Variants in ADRB1 observed in about 807,000 individuals in gnomAD.
ADRB1 encodes adrenoceptor beta 1.
For synonymous variants in ADRB1, 365 were observed against 347.2 expected (o/e 1.05, Z -0.57); for missense variants, 635 against 709.1 (o/e 0.90, Z 1.19).
At position 114,045,479 on chromosome 10, in the gene ADRB1, C is replaced by T. The variant is rs751247368; in HGVS notation, c.1347C>T (p.Ala449=). The change falls in exon 1 of 1, where the codon GCC becomes GCT. Residue 449 remains alanine, a synonymous_variant. Transcript: ENST00000369295. ...CCGCGCGCCTGCTGGAGCCCTGGGCCGGCTGCAACGGCGGGGCGGCGGCGG... is the reference window on the plus strand; with the variant it reads ...CCGCGCGCCTGCTGGAGCCCTGGGCTGGCTGCAACGGCGGGGCGGCGGCGG... ...TPPARLLEPW[A]GCNGGAAADS... is the part of the protein sequence containing the mutation. 11 of 1,283,992 alleles carry T rather than the reference C, an allele frequency of 8.6e-6. No homozygotes were observed. The highest frequency in any genetic ancestry group is 5.7e-5 in the South Asian group (2 of 35,160). The allele number at this position is 1,283,992 out of a possible 1,614,324, so 79.5% of individuals were successfully genotyped here.
In ADRB1 at chr10:114,044,707, T is replaced by C. The variant is rs1386775248; in HGVS notation, c.575T>C (p.Leu192Pro). The part of the protein sequence containing the change: ...VWAISALVSF[L>P]PILMHWWRAE... ...GCCATCTCGGCCCTGGTGTCCTTCC[T>C]GCCCATCCTCATGCACTGGTGGCGG... The change falls in exon 1 of 1, where the codon CTG (leucine) becomes CCG (proline). Residue 192 changes from leucine to proline, a missense_variant. Physicochemically the swap from Leu to Pro is moderately conservative, Grantham distance 98 (BLOSUM62 -3). Coordinates refer to ENST00000369295, the MANE Select transcript of ADRB1 (RefSeq NM_000684.3). The surrounding 1 kb of genome is among the most constrained non-coding windows in gnomAD (Gnocchi z 7.8). The C allele has an allele frequency of 6.2e-7, 1 of 1,612,604 alleles. No homozygotes were observed. Among genetic ancestry groups the C allele is most frequent in the Non-Finnish European group, 8.5e-7 (1 of 1,179,830 alleles).
At position 114,043,937 on chromosome 10, in the gene ADRB1, G is replaced by A; in HGVS notation, c.-196G>A. On this transcript the variant is annotated 5_prime_UTR_variant, in exon 1 of 1. Transcript: ENST00000369295. ...TCCAGCAGCAGCGGCGGCGGCGGCGGCGGCGGCAGCGGCAGCGACAGCGCT... is the reference window on the plus strand; with the variant it reads ...TCCAGCAGCAGCGGCGGCGGCGGCGACGGCGGCAGCGGCAGCGACAGCGCT... The A allele has an allele frequency of 3.7e-6, 1 of 270,218 alleles. No homozygotes were observed. Among genetic ancestry groups the A allele is most frequent in the Non-Finnish European group, 6.3e-6 (1 of 158,132 alleles). 16.7% of individuals were successfully genotyped at this position (270,218 alleles called of 1,614,324 possible).
chr10:114,044,726 G>C lies in ADRB1; in HGVS notation c.594G>C (p.Trp198Cys). 6.2e-7 allele frequency: 1 copy of C among 1,610,616 alleles called. No homozygotes were observed. The highest frequency in any genetic ancestry group is 1.3e-5 in the African/African-American group (1 of 75,036). Residue 198 changes from tryptophan to cysteine, a missense_variant, in exon 1 of 1, where the codon TGG becomes TGC. Physicochemically the swap from Trp to Cys is radical, Grantham distance 215. Transcript: ENST00000369295. This position sits in a 1 kb window ranked among gnomAD's most constrained non-coding sequence, Gnocchi z 7.8. ...CCTTCCTGCCCATCCTCATGCACTG[G>C]TGGCGGGCGGAGAGCGACGAGGCGC... Reference protein sequence around the residue: ...LVSFLPILMHWWRAESDEARR... With the variant: ...LVSFLPILMHCWRAESDEARR...
Position 114,044,026 on chromosome 10 carries a change from C to A in ADRB1, c.-107C>A. On this transcript the variant is annotated 5_prime_UTR_variant, in exon 1 of 1. Coordinates refer to ENST00000369295, the MANE Select transcript of ADRB1 (RefSeq NM_000684.3). This position sits in a 1 kb window ranked among gnomAD's most constrained non-coding sequence, Gnocchi z 7.8. ...GGCCCCGCGCCGCGGCTGCCCTGAC[C>A]CGGCCGCGACCTCCCTCTGCGCACC... 1 of 948,818 alleles carries A rather than the reference C, an allele frequency of 1.1e-6. No individual in the cohort carries two copies. The highest frequency in any genetic ancestry group is 1.3e-6 in the Non-Finnish European group (1 of 746,612). The allele number at this position is 948,818 out of a possible 1,614,324, so 58.8% of individuals were successfully genotyped here. A position where few individuals can be genotyped will look rare whatever the true frequency, so the allele number is the denominator to read the frequency against.
rs936003506 is a variant in ADRB1, at chr10:114,045,006, CCCG to C, written c.889_891del (p.Ala297del). On this transcript the variant is annotated inframe_deletion, in exon 1 of 1. Transcript: ENST00000369295. ...CGCGCCGCCGCCCGGACCCCCGCGC[CCCG>C]CCGCCGCCGCCGCCACCGCCCCGCT... 687 of 1,072,154 alleles carry C rather than the reference CCCG, an allele frequency of 6.4e-4. No homozygotes were observed. Among genetic ancestry groups the C allele is most frequent in the East Asian group, 3.8e-3 (69 of 18,302 alleles). The allele number at this position is 1,072,154 out of a possible 1,614,324, so 66.4% of individuals were successfully genotyped here. A position where few individuals can be genotyped will look rare whatever the true frequency, so the allele number is the denominator to read the frequency against.
rs1847548231 is a variant in ADRB1 at position 114,045,380 on chromosome 10, C to T, written c.1248C>T (p.Ala416=). 2.4e-6 allele frequency: 3 copies of T among 1,253,114 alleles called. No homozygotes were observed. In the African/African-American group the frequency reaches 4.7e-5, roughly 20 times the overall value. 77.6% of individuals were successfully genotyped at this position (1,253,114 alleles called of 1,614,324 possible). A position where few individuals can be genotyped will look rare whatever the true frequency, so the allele number is the denominator to read the frequency against. Residue 416 remains alanine (A), a synonymous_variant, in exon 1 of 1, where the codon GCC becomes GCT. Transcript: ENST00000369295. ...GDRPRASGCL[A]RPGPPPSPGA... is the part of the protein sequence containing the mutation. ...GGCCGCGCGCCTCGGGCTGTCTGGCCCGGCCCGGACCCCCGCCATCGCCCG... is the reference window on the plus strand; with the variant it reads ...GGCCGCGCGCCTCGGGCTGTCTGGCTCGGCCCGGACCCCCGCCATCGCCCG...
rs1454746519 is a variant in ADRB1 at position 114,046,363 on chromosome 10, G to T, written c.*797G>T. ...TCAATATTAGTTGGAAGGACCAGGC[G>T]CAGAGCCTCTCTCTGTGACATGTGA... is the stretch of plus-strand genomic sequence containing the variant. On this transcript the variant is annotated 3_prime_UTR_variant, in exon 1 of 1. Transcript: ENST00000369295. The T allele has an allele frequency of 6.0e-6, 1 of 167,060 alleles. No homozygotes were observed. The highest frequency in any genetic ancestry group is 1.5e-5 in the Non-Finnish European group (1 of 68,120). The allele number at this position is 167,060 out of a possible 1,614,324, so 10.3% of individuals were successfully genotyped here.
At position 114,044,598 on chromosome 10, in the gene ADRB1, C is replaced by A; in HGVS notation, c.466C>A (p.Arg156Ser). 1 of 1,613,530 alleles carries A rather than the reference C, an allele frequency of 6.2e-7. No homozygotes were observed. The highest frequency in any genetic ancestry group is 8.5e-7 in the Non-Finnish European group (1 of 1,179,954). ...GACCCTGTGTGTCATTGCCCTGGAC[C>A]GCTACCTCGCCATCACCTCGCCCTT... ...IETLCVIALD[R>S]YLAITSPFRY... The change falls in exon 1 of 1, where the codon CGC becomes AGC. Residue 156 changes from arginine (R) to serine (S), a missense_variant. Coordinates refer to ENST00000369295, the MANE Select transcript of ADRB1 (RefSeq NM_000684.3). This position sits in a 1 kb window ranked among gnomAD's most constrained non-coding sequence, Gnocchi z 7.8.
chr10:114,046,212 C>G lies in ADRB1; in HGVS notation c.*646C>G, dbSNP rs1847563405. 1 of 167,126 alleles carries G rather than the reference C, an allele frequency of 6.0e-6. No homozygotes were observed. Among genetic ancestry groups the G allele is most frequent in the South Asian group, 2.1e-4 (1 of 4,836 alleles). 10.4% of individuals were successfully genotyped at this position (167,126 alleles called of 1,614,324 possible). A position where few individuals can be genotyped will look rare whatever the true frequency, so the allele number is the denominator to read the frequency against. On this transcript the variant is annotated 3_prime_UTR_variant, in exon 1 of 1. Coordinates refer to ENST00000369295, the MANE Select transcript of ADRB1 (RefSeq NM_000684.3). ...TTGGAACAAGCCCCACCTTGCTTTC[C>G]TTGTGTAGGGCAAACCCGCTGTCCC...
rs1847539347 is a variant in ADRB1, at chr10:114,044,986, C to A, written c.854C>A (p.Pro285Gln). 1.8e-6 allele frequency: 2 copies of A among 1,095,822 alleles called. No homozygotes were observed. Among genetic ancestry groups the A allele is most frequent in the African/African-American group, 1.7e-5 (1 of 59,354 alleles). The allele number at this position is 1,095,822 out of a possible 1,614,324, so 67.9% of individuals were successfully genotyped here. The change falls in exon 1 of 1, where the codon CCG becomes CAG. Residue 285 changes from proline (P) to glutamine (Q), a missense_variant. Physicochemically the swap from Pro to Gln is moderately conservative, Grantham distance 76 (BLOSUM62 -1). Coordinates refer to ENST00000369295, the MANE Select transcript of ADRB1 (RefSeq NM_000684.3). This position sits in a 1 kb window ranked among gnomAD's most constrained non-coding sequence, Gnocchi z 7.8. The stretch of plus-strand genomic sequence containing the variant: ...CCCTCGCCCGTCCCCGCGCCCGCGC[C>A]GCCGCCCGGACCCCCGCGCCCCGCC... ...PSPSPVPAPA[P>Q]PPGPPRPAAA...
Position 114,045,525 on chromosome 10 carries a change from G to A in ADRB1, c.1393G>A (p.Glu465Lys), listed in dbSNP as rs1210202311. The A allele has an allele frequency of 7.6e-6, 10 of 1,307,456 alleles. No homozygotes were observed. The highest frequency in any genetic ancestry group is 9.8e-6 in the Non-Finnish European group (10 of 1,024,722). 81.0% of individuals were successfully genotyped at this position (1,307,456 alleles called of 1,614,324 possible). The change falls in exon 1 of 1, where the codon GAG becomes AAG. Residue 465 changes from glutamate to lysine, a missense_variant. Glu to Lys is a moderately conservative substitution (Grantham distance 56, BLOSUM62 1). Transcript: ENST00000369295. ...GGCGGACAGCGACTCGAGCCTGGAC[G>A]AGCCGTGCCGCCCCGGCTTCGCCTC... is the stretch of plus-strand genomic sequence containing the variant. ...AAADSDSSLD[E>K]PCRPGFASES...
chr10:114,044,390 G>A lies in ADRB1; in HGVS notation c.258G>A (p.Thr86=). Residue 86 remains threonine (T), a synonymous_variant, in exon 1 of 1, where the codon ACG becomes ACA. Transcript: ENST00000369295. The surrounding 1 kb of genome is among the most constrained non-coding windows in gnomAD (Gnocchi z 7.8). ...NVLVIVAIAK[T]PRLQTLTNLF... is the part of the protein sequence containing the mutation. The stretch of plus-strand genomic sequence containing the variant: ...TGGTGATCGTGGCCATCGCCAAGAC[G>A]CCGCGGCTGCAGACGCTCACCAACC... 6.2e-7 allele frequency: 1 copy of A among 1,610,688 alleles called. No homozygotes were observed. Among genetic ancestry groups the A allele is most frequent in the Non-Finnish European group, 8.5e-7 (1 of 1,179,818 alleles).
chr10:114,044,547 G>A lies in ADRB1; in HGVS notation c.415G>A (p.Val139Met). The change falls in exon 1 of 1, where the codon GTG becomes ATG. Residue 139 changes from valine (V) to methionine (M), a missense_variant. Coordinates refer to ENST00000369295, the MANE Select transcript of ADRB1 (RefSeq NM_000684.3). The surrounding 1 kb of genome is among the most constrained non-coding windows in gnomAD (Gnocchi z 7.8). ...FFCELWTSVD[V>M]LCVTASIETL... ...CTGCGAGCTGTGGACCTCAGTGGACGTGCTGTGCGTGACGGCCAGCATCGA... is the reference window on the plus strand; with the variant it reads ...CTGCGAGCTGTGGACCTCAGTGGACATGCTGTGCGTGACGGCCAGCATCGA... 1 of 1,613,748 alleles carries A rather than the reference G, an allele frequency of 6.2e-7. No homozygotes were observed. Among genetic ancestry groups the A allele is most frequent in the Non-Finnish European group, 8.5e-7 (1 of 1,179,968 alleles).
chr10:114,045,254 C>G lies in ADRB1; in HGVS notation c.1122C>G (p.Pro374=). The change falls in exon 1 of 1, where the codon CCC becomes CCG. Residue 374 remains proline, a synonymous_variant. Coordinates refer to ENST00000369295, the MANE Select transcript of ADRB1 (RefSeq NM_000684.3). The part of the protein sequence containing the change: ...WLGYANSAFN[P]IIYCRSPDFR... ...GCTACGCCAACTCGGCCTTCAACCC[C>G]ATCATCTACTGCCGCAGCCCCGACT... 6.3e-7 allele frequency: 1 copy of G among 1,598,038 alleles called. No homozygotes were observed. Among genetic ancestry groups the G allele is most frequent in the Non-Finnish European group, 8.5e-7 (1 of 1,172,234 alleles).
chr10:114,044,590 C>A lies in ADRB1; in HGVS notation c.458C>A (p.Ala153Asp). The change falls in exon 1 of 1, where the codon GCC (alanine) becomes GAC (aspartate). Residue 153 changes from alanine (A) to aspartate (D), a missense_variant. Coordinates refer to ENST00000369295, the MANE Select transcript of ADRB1 (RefSeq NM_000684.3). This position sits in a 1 kb window ranked among gnomAD's most constrained non-coding sequence, Gnocchi z 7.8. ...TASIETLCVI[A>D]LDRYLAITSP... ...AGCATCGAGACCCTGTGTGTCATTG[C>A]CCTGGACCGCTACCTCGCCATCACC... 1 of 1,613,560 alleles carries A rather than the reference C, an allele frequency of 6.2e-7. No individual in the cohort carries two copies. Among genetic ancestry groups the A allele is most frequent in the Non-Finnish European group, 8.5e-7 (1 of 1,179,950 alleles).
Position 114,045,229 on chromosome 10 carries a change from G to A in ADRB1, c.1097G>A (p.Gly366Asp). The part of the protein sequence containing the change: ...DRLFVFFNWL[G>D]YANSAFNPII... ...CTCTTCGTCTTCTTCAACTGGCTGG[G>A]CTACGCCAACTCGGCCTTCAACCCC... The change falls in exon 1 of 1, where the codon GGC (glycine) becomes GAC (aspartate). Residue 366 changes from glycine to aspartate, a missense_variant. Gly to Asp is a moderately conservative substitution (Grantham distance 94). Coordinates refer to ENST00000369295, the MANE Select transcript of ADRB1 (RefSeq NM_000684.3). The A allele has an allele frequency of 1.3e-6, 2 of 1,598,394 alleles. No individual in the cohort carries two copies. Among genetic ancestry groups the A allele is most frequent in the East Asian group, 2.3e-5 (1 of 43,942 alleles).
In ADRB1 at chr10:114,045,369, G is replaced by T; in HGVS notation, c.1237G>T (p.Gly413Cys). The change falls in exon 1 of 1, where the codon GGC becomes TGC. Residue 413 changes from glycine (G) to cysteine (C), a missense_variant. Transcript: ENST00000369295. The part of the protein sequence containing the change: ...ATHGDRPRAS[G>C]CLARPGPPPS... ...CCACGGAGACCGGCCGCGCGCCTCG[G>T]GCTGTCTGGCCCGGCCCGGACCCCC... 1 of 1,375,078 alleles carries T rather than the reference G, an allele frequency of 7.3e-7. No individual in the cohort carries two copies. Among genetic ancestry groups the T allele is most frequent in the East Asian group, 3.1e-5 (1 of 31,962 alleles). The allele number at this position is 1,375,078 out of a possible 1,614,324, so 85.2% of individuals were successfully genotyped here.
At position 114,044,495 on chromosome 10, in the gene ADRB1, G is replaced by C; in HGVS notation, c.363G>C (p.Trp121Cys). The C allele has an allele frequency of 6.2e-7, 1 of 1,613,628 alleles. No homozygotes were observed. The highest frequency in any genetic ancestry group is 1.3e-5 in the African/African-American group (1 of 75,038). ...CGTTCGGGGCCACCATCGTGGTGTGGGGCCGCTGGGAGTACGGCTCCTTCT... is the reference window on the plus strand; with the variant it reads ...CGTTCGGGGCCACCATCGTGGTGTGCGGCCGCTGGGAGTACGGCTCCTTCT... ...VVPFGATIVV[W>C]GRWEYGSFFC... is the part of the protein sequence containing the mutation. The change falls in exon 1 of 1, where the codon TGG becomes TGC. Residue 121 changes from tryptophan to cysteine, a missense_variant. Physicochemically the swap from Trp to Cys is radical, Grantham distance 215. Coordinates refer to ENST00000369295, the MANE Select transcript of ADRB1 (RefSeq NM_000684.3). The surrounding 1 kb of genome is among the most constrained non-coding windows in gnomAD (Gnocchi z 7.8).
chr10:114,044,755 G>T lies in ADRB1; in HGVS notation c.623G>T (p.Arg208Leu), dbSNP rs778805139. Residue 208 changes from arginine (R) to leucine (L), a missense_variant, in exon 1 of 1, where the codon CGC (arginine) becomes CTC (leucine). Transcript: ENST00000369295. The surrounding 1 kb of genome is among the most constrained non-coding windows in gnomAD (Gnocchi z 7.8). ...WWRAESDEARRCYNDPKCCDF... is the reference protein window; with the variant it reads ...WWRAESDEARLCYNDPKCCDF... ...CGGGCGGAGAGCGACGAGGCGCGCC[G>T]CTGCTACAACGACCCCAAGTGCTGC... The T allele has an allele frequency of 6.2e-6, 10 of 1,612,342 alleles. No individual in the cohort carries two copies. The South Asian group carries it at 9.9e-5, about 16-fold the overall frequency.
Sources: gnomAD v4.1 joint callset for allele counts on GRCh38, gnomAD v4.1.1 for gene constraint, Gnocchi (gnomAD v3.1) non-coding constraint, MANE v1.5 for transcripts, NCBI Gene and HGNC (gene_info 2026-07-23, HGNC 2026-07-21) for gene names.